CREB5: variants seen among roughly 807,000 people sequenced by gnomAD.
CREB5 encodes the protein cAMP responsive element binding protein 5.
In CREB5, 19 loss-of-function variants were observed where a neutral mutation model predicts 57.1. The observed-to-expected ratio is 0.33, with a 90% CI of 0.23 to 0.49. CREB5 has a LOEUF of 0.49. Ranked by LOEUF, CREB5 falls within the 20% of genes least tolerant of loss-of-function variation. The pLI is 0.99. For missense variants in CREB5, 579 were observed against 671.6 expected (o/e 0.86, Z 1.52); for synonymous variants, 238 against 238.3 (o/e 1.00, Z 0.01).
At chr7:28,661,914 C>A (rs761648476) in intron 5 of CREB5, among the ~76,000 whole-genome samples, 1 of 152,178 alleles carries the variant, frequency 6.6e-6, no homozygotes, top group Non-Finnish European at 1.5e-5. Context: ...TGCAAACACA[C>A]CAGCTGTGAA....
chr7:28,473,824 T>C (rs983108391), intron 1 of CREB5, among the ~76,000 whole-genome samples: 1 of 152,194 alleles, frequency 6.6e-6, no homozygotes, highest in African/African-American at 2.4e-5. Flanking sequence ...TGGGAGTGTC[T>C]CATTGTCACC....
At chr7:28,443,481 C>A (rs1260429466) in intron 1 of CREB5, among the ~76,000 whole-genome samples, 1 of 152,186 alleles carries the variant, frequency 6.6e-6, no homozygotes, top group East Asian at 1.9e-4. Flanking sequence ...AATTCCAGAA[C>A]CAAGGCCATC....
At chr7:28,725,627 AT>A (rs1562598129) in intron 7 of CREB5, among the ~76,000 whole-genome samples, 1 of 150,808 alleles carries the variant, frequency 6.6e-6, no homozygotes, top group South Asian at 2.1e-4. Context: ...GACCAAAGTA[AT>A]GCCATATATC....
At chr7:28,651,167 AC>A (rs975596643) in intron 5 of CREB5, among the ~76,000 whole-genome samples, 1 of 152,216 alleles carries the variant, frequency 6.6e-6, no homozygotes, top group Non-Finnish European at 1.5e-5. Context: ...ATATCTTTGA[AC>A]AAATATACTT....
intron 1 of CREB5, among the ~76,000 whole-genome samples, chr7:28,397,888 G>A (rs1787371499): frequency 6.6e-6 from 1 of 152,126 alleles, no homozygotes. Flanking sequence ...TGCCTATGGA[G>A]CTAGTAACAG....
chr7:28,425,345 A>G (rs910077665), intron 1 of CREB5, among the ~76,000 whole-genome samples: 12 of 152,238 alleles, frequency 7.9e-5, no homozygotes, highest in Admixed American at 7.9e-4. Context: ...GCCATAAAGG[A>G]CCATATATTA....
chr7:28,476,021 TA>T (rs1791055479), intron 1 of CREB5, among the ~76,000 whole-genome samples: 1 of 152,106 alleles, frequency 6.6e-6, no homozygotes, highest in Non-Finnish European at 1.5e-5. Context: ...GAGAAGTAGG[TA>T]TTGTCATTGT....
At chr7:28,733,109 AG>A (rs889149622) in intron 7 of CREB5, among the ~76,000 whole-genome samples, 1 of 152,158 alleles carries the variant, frequency 6.6e-6, no homozygotes, top group Admixed American at 6.5e-5. Flanking sequence ...GAAGTGTTCA[AG>A]GAGGATGAGA....
intron 2 of CREB5, 91 bp downstream of exon 2, chr7:28,488,337 CT>C: frequency 8.8e-7 from 1 of 1,132,916 alleles, no homozygotes; most frequent in Non-Finnish European, 1.3e-6. Flanking sequence ...CTGCCCTGGG[CT>C]TTCCTTCTTT....
intron 5 of CREB5, among the ~76,000 whole-genome samples, chr7:28,711,859 G>A (rs766402884): frequency 1.3e-5 from 2 of 152,170 alleles, no homozygotes; most frequent in Non-Finnish European, 2.9e-5. Flanking sequence ...AAAGATTGGT[G>A]TTTTAGAGCA....
chr7:28,421,465 A>G (rs1017635260), intron 1 of CREB5, among the ~76,000 whole-genome samples: 1 of 152,042 alleles, frequency 6.6e-6, no homozygotes, highest in Non-Finnish European at 1.5e-5. Flanking sequence ...GATTTTGGGG[A>G]TGCATCCACT....
intron 5 of CREB5, among the ~76,000 whole-genome samples, chr7:28,680,768 C>CA (rs539406574): frequency 0.36 from 48,809 of 134,068 alleles, 8,650 homozygotes; most frequent in Admixed American, 0.45. Context: ...CAACCTATCT[C>CA]AAAAAAAAAA....
At chr7:28,389,629 A>G (rs1303575059) in intron 1 of CREB5, among the ~76,000 whole-genome samples, 1 of 115,790 alleles carries the variant, frequency 8.6e-6, no homozygotes, top group African/African-American at 3.2e-5. Context: ...CAACTATACT[A>G]AACTTTTTTT....
intron 5 of CREB5, among the ~76,000 whole-genome samples, chr7:28,571,017 C>T (rs1427377796): frequency 6.6e-6 from 1 of 151,998 alleles, no homozygotes; most frequent in African/African-American, 2.4e-5. Context: ...CAATGGATAC[C>T]TGAAAGTGCA....
chr7:28,380,680 C>G (rs1213344783), intron 1 of CREB5, among the ~76,000 whole-genome samples: 1 of 152,162 alleles, frequency 6.6e-6, no homozygotes, highest in Non-Finnish European at 1.5e-5. Flanking sequence ...AGTCACATGT[C>G]TTAGCAAAAG....
intron 7 of CREB5, among the ~76,000 whole-genome samples, chr7:28,787,759 G>C (rs1022607294): frequency 6.6e-6 from 1 of 152,070 alleles, no homozygotes; most frequent in Non-Finnish European, 1.5e-5. Flanking sequence ...TTGCCTTGTT[G>C]CCTCGGCTGG....
At chr7:28,553,586 C>T (rs1040434257) in intron 4 of CREB5, among the ~76,000 whole-genome samples, 3 of 152,150 alleles carry the variant, frequency 2.0e-5, no homozygotes, top group Admixed American at 6.5e-5. Flanking sequence ...TAGAGGCAGT[C>T]CTGTTTTCCT....
intron 5 of CREB5, among the ~76,000 whole-genome samples, chr7:28,673,093 A>G (rs1800131804): frequency 6.6e-6 from 1 of 152,164 alleles, no homozygotes. Context: ...ACTACTGTTG[A>G]GCAAAATTTG....
chr7:28,534,443 A>C (rs1793869723), intron 4 of CREB5, among the ~76,000 whole-genome samples: 1 of 152,182 alleles, frequency 6.6e-6, no homozygotes, highest in Non-Finnish European at 1.5e-5. Flanking sequence ...CTTAGGCTGA[A>C]GGGAAAACAT....
Sources: gnomAD v4.1 joint callset for allele counts (sites outside exome capture counted in the v4.1 genomes callset) on GRCh38, gnomAD v4.1.1 for gene constraint, MANE v1.5 for transcripts, NCBI Gene and HGNC (gene_info 2026-07-23, HGNC 2026-07-21) for gene names.